Variants in USP3 observed in about 807,000 individuals in gnomAD.
The protein encoded by USP3 is ubiquitin specific peptidase 3, also known as ubiquitin carboxyl-terminal hydrolase 3.
USP3 carries 20 observed loss-of-function variants against 72.3 expected under a neutral mutation model. The ratio of observed to expected loss-of-function variants is 0.28; its 90% CI spans 0.19 to 0.40. USP3 has a LOEUF of 0.40. Ranked by LOEUF, USP3 falls within the 10% of genes least tolerant of loss-of-function variation. The pLI is 1.00. For synonymous variants in USP3, 222 were observed against 225.3 expected (o/e 0.99, Z 0.13); for missense variants, 479 against 633.9 (o/e 0.76, Z 2.62).
chr15:63,535,440 C>G (rs984062843), intron 2 of USP3, among the ~76,000 whole-genome samples: 1 of 152,160 alleles, frequency 6.6e-6, no homozygotes, highest in Admixed American at 6.5e-5. Flanking sequence ...CCATGAGACA[C>G]AAAGTACTAT....
chr15:63,589,077 T>C lies in USP3; in HGVS notation c.1397+66T>C. On this transcript the variant is annotated intron_variant, in intron 14 of 14. Transcript: ENST00000380324. ...GTGGCCAGCCCAATGACCTGCAGTTTTGTACCACTCTTGCTAGTTCTTCCT... is the reference window on the plus strand; with the variant it reads ...GTGGCCAGCCCAATGACCTGCAGTTCTGTACCACTCTTGCTAGTTCTTCCT... 1.9e-6 allele frequency: 3 copies of C among 1,554,450 alleles called. No homozygotes were observed. In the East Asian group the frequency reaches 6.7e-5, roughly 35 times the overall value.
intron 1 of USP3, among the ~76,000 whole-genome samples, chr15:63,514,196 A>G (rs753358409): frequency 7.2e-5 from 11 of 152,054 alleles, no homozygotes; most frequent in Non-Finnish European, 1.2e-4. Flanking sequence ...TGTTTTGTTT[A>G]TATATAGTTT....
In USP3 at chr15:63,592,984, T is replaced by C. The variant is rs2067232489; in HGVS notation, c.*2158T>C. On this transcript the variant is annotated 3_prime_UTR_variant, in exon 15 of 15. Coordinates refer to ENST00000380324, the MANE Select transcript of USP3 (RefSeq NM_006537.4). Reference sequence around the variant, plus strand: ...TCCAGTACAATGGCCCCTAGCCACATGTGACTGAAATTTAAATTAGAAACT... The same window carrying C: ...TCCAGTACAATGGCCCCTAGCCACACGTGACTGAAATTTAAATTAGAAACT... 1 of 152,216 alleles carries C rather than the reference T, an allele frequency of 6.6e-6. No homozygotes were observed. 9.4% of individuals were successfully genotyped at this position (152,216 alleles called of 1,614,324 possible).
intron 1 of USP3, among the ~76,000 whole-genome samples, chr15:63,518,724 A>G (rs2065881519): frequency 1.3e-5 from 2 of 152,066 alleles, no homozygotes; most frequent in South Asian, 2.1e-4. Flanking sequence ...TAATTTACAG[A>G]TATAACACTC....
intron 8 of USP3, among the ~76,000 whole-genome samples, chr15:63,568,326 G>C (rs2066726445): frequency 6.8e-6 from 1 of 146,844 alleles, no homozygotes; most frequent in Admixed American, 6.9e-5. Context: ...TTGCACTCCA[G>C]CCTGACGACA....
At chr15:63,525,605 A>C (rs1013203907) in intron 1 of USP3, among the ~76,000 whole-genome samples, 1 of 152,194 alleles carries the variant, frequency 6.6e-6, no homozygotes, top group African/African-American at 2.4e-5. Context: ...CCTCCCCCTA[A>C]TAATTTCAAG....
At chr15:63,560,611 C>T (rs1221560086) in intron 7 of USP3, among the ~76,000 whole-genome samples, 1 of 151,206 alleles carries the variant, frequency 6.6e-6, no homozygotes, top group African/African-American at 2.4e-5. Flanking sequence ...GTTAGGTAAA[C>T]CTGTCTTGGA....
At chr15:63,565,294 C>CT (rs1291823118) in intron 8 of USP3, among the ~76,000 whole-genome samples, 8 of 152,140 alleles carry the variant, frequency 5.3e-5, no homozygotes, top group Admixed American at 2.0e-4. Context: ...CCTATTCTTT[C>CT]TTTTTTTTCC....
intron 11 of USP3, among the ~76,000 whole-genome samples, chr15:63,584,132 C>G (rs994638901): frequency 2.4e-5 from 3 of 123,592 alleles, no homozygotes; most frequent in Admixed American, 1.1e-4. Flanking sequence ...GAGTCTCGCT[C>G]TGTCGCGCAG....
At position 63,588,286 on chromosome 15, in the gene USP3, C is replaced by A. The variant is rs1240266764; in HGVS notation, c.1097-19C>A. ...CAAAAGGCATCTTGTTTTAATGCTGCCAAAATCAATTTGTTTAGATTGTCT... is the reference window on the plus strand; with the variant it reads ...CAAAAGGCATCTTGTTTTAATGCTGACAAAATCAATTTGTTTAGATTGTCT... On this transcript the variant is annotated intron_variant, in intron 11 of 14. Coordinates refer to ENST00000380324, the MANE Select transcript of USP3 (RefSeq NM_006537.4). The surrounding 1 kb of genome is among the most constrained non-coding windows in gnomAD (Gnocchi z 4.6). The A allele has an allele frequency of 6.4e-7, 1 of 1,570,660 alleles. No individual in the cohort carries two copies. The highest frequency in any genetic ancestry group is 2.3e-5 in the East Asian group (1 of 44,382).
intron 7 of USP3, among the ~76,000 whole-genome samples, chr15:63,560,771 T>C (rs1280483387): frequency 6.6e-6 from 1 of 151,434 alleles, no homozygotes; most frequent in African/African-American, 2.4e-5. Context: ...TTATTTGTGG[T>C]TCAGAAGATC....
At chr15:63,521,140 G>T (rs2065915130) in intron 1 of USP3, among the ~76,000 whole-genome samples, 1 of 127,892 alleles carries the variant, frequency 7.8e-6, no homozygotes, top group African/African-American at 2.8e-5. Context: ...ACATTCTTTT[G>T]GACTTTTTTT....
chr15:63,526,953 G>A (rs991767644), intron 1 of USP3, among the ~76,000 whole-genome samples: 1 of 152,222 alleles, frequency 6.6e-6, no homozygotes, highest in Non-Finnish European at 1.5e-5. Context: ...GGAGTGCAGT[G>A]GTGTGATCTC....
chr15:63,530,859 C>T, intron 1 of USP3, among the ~76,000 whole-genome samples: 1 of 152,122 alleles, frequency 6.6e-6, no homozygotes, highest in Non-Finnish European at 1.5e-5. Context: ...CAGCAGTCTC[C>T]CTCACAATAA....
At chr15:63,537,972 C>T (rs1173204714) in intron 3 of USP3, among the ~76,000 whole-genome samples, 1 of 151,858 alleles carries the variant, frequency 6.6e-6, no homozygotes, top group African/African-American at 2.4e-5. Context: ...AGGCATGAGC[C>T]ACCGCTTCCA....
At chr15:63,564,518 TATC>T (rs2066657331) in intron 8 of USP3, among the ~76,000 whole-genome samples, 1 of 152,220 alleles carries the variant, frequency 6.6e-6, no homozygotes, top group Non-Finnish European at 1.5e-5. Context: ...TTAGAAACAT[TATC>T]ATATTTTATA....
chr15:63,547,753 GGAGGGAGGGA>G (rs1385431382), intron 3 of USP3, among the ~76,000 whole-genome samples: 956 of 40,242 alleles, frequency 0.024, 104 homozygotes, highest in Middle Eastern at 0.079. Context: ...AGGGAGGGAG[GGAGGGAGGGA>G]GAGAGAGAGA....
intron 11 of USP3, among the ~76,000 whole-genome samples, chr15:63,586,431 C>T (rs751982706): frequency 1.3e-5 from 2 of 152,064 alleles, no homozygotes; most frequent in Non-Finnish European, 2.9e-5. Context: ...TCCCTATGAC[C>T]CCCGCTGTCC....
intron 3 of USP3, among the ~76,000 whole-genome samples, chr15:63,542,656 T>A (rs558800961): frequency 3.3e-5 from 5 of 152,266 alleles, no homozygotes; most frequent in African/African-American, 1.2e-4. Flanking sequence ...CATTTCTCGT[T>A]TTAAAAAACT....
Sources: gnomAD v4.1 joint callset for allele counts (sites outside exome capture counted in the v4.1 genomes callset) on GRCh38, gnomAD v4.1.1 for gene constraint, Gnocchi (gnomAD v3.1) non-coding constraint, MANE v1.5 for transcripts, NCBI Gene and HGNC (gene_info 2026-07-23, HGNC 2026-07-21) for gene names.